BRD3: variants seen among roughly 807,000 people sequenced by gnomAD.
The protein encoded by BRD3 is bromodomain containing 3, also known as bromodomain-containing protein 3.
A neutral mutation model predicts 66.8 loss-of-function variants in BRD3; 17 were observed. That is an observed-to-expected ratio of 0.25 (90% CI 0.17 to 0.38). BRD3 has a LOEUF of 0.38. Ranked by LOEUF, BRD3 falls within the 10% of genes least tolerant of loss-of-function variation. The pLI is 1.00. For missense variants in BRD3, 713 were observed against 956.1 expected, an observed-to-expected ratio of 0.75 and a Z score of 3.35; for synonymous variants, 421 against 393.2, an observed-to-expected ratio of 1.07 and a Z score of -0.84.
intron 1 of BRD3, among the ~76,000 whole-genome samples, chr9:134,059,749 T>C (rs1242426271): frequency 6.6e-6 from 1 of 152,114 alleles, no homozygotes. Context: ...CCTCCAGTGG[T>C]GAAGGGGCTC....
chr9:134,060,587 GACACACACACACACAC>G (rs10661799), intron 1 of BRD3, among the ~76,000 whole-genome samples: 1 of 143,780 alleles, frequency 7.0e-6, no homozygotes, highest in African/African-American at 2.6e-5. Flanking sequence ...GCAAGACCCT[GACACACACACACACAC>G]ACACACACAC....
In BRD3 at chr9:134,053,482, C is replaced by A. The variant is rs746874478; in HGVS notation, c.-5G>T. 14 of 1,585,000 alleles carry A rather than the reference C, an allele frequency of 8.8e-6. No individual in the cohort carries two copies. Among genetic ancestry groups the A allele is most frequent in the Non-Finnish European group, 1.2e-5 (14 of 1,168,396 alleles). Reference sequence around the variant, plus strand: ...GACTGTCGTGGCGGTGGACATCCTCCGGCAGCTCACTCACTTTCTGTCACA... The same window carrying A: ...GACTGTCGTGGCGGTGGACATCCTCAGGCAGCTCACTCACTTTCTGTCACA... On this transcript the variant is annotated 5_prime_UTR_variant, in exon 2 of 12. Transcript: ENST00000303407.
intron 7 of BRD3, among the ~76,000 whole-genome samples, chr9:134,043,916 C>T (rs1411630558): frequency 6.6e-6 from 1 of 152,214 alleles, no homozygotes; most frequent in Non-Finnish European, 1.5e-5. Flanking sequence ...AGTGATCCTC[C>T]CACCTCCGCC....
rs10636879 is a variant in BRD3 at position 134,032,439 on chromosome 9, CAAAAAAAAAAAA to C, written c.*1139_*1150del. 1 of 114,488 alleles carries C rather than the reference CAAAAAAAAAAAA, an allele frequency of 8.7e-6. No homozygotes were observed. Among genetic ancestry groups the C allele is most frequent in the East Asian group, 1.0e-4 (1 of 9,584 alleles). 7.1% of individuals were successfully genotyped at this position (114,488 alleles called of 1,614,324 possible). On this transcript the variant is annotated 3_prime_UTR_variant, in exon 12 of 12. Coordinates refer to ENST00000303407, the MANE Select transcript of BRD3 (RefSeq NM_007371.4). Reference sequence around the variant, plus strand: ...TACCTGTAAGCCTCCAAGTTTCATACAAAAAAAAAAAAAAAAAAAAACCACAAAGAAAAAAAC... The same window carrying C: ...TACCTGTAAGCCTCCAAGTTTCATACAAAAAAAAACCACAAAGAAAAAAAC...
At chr9:134,064,102 G>A (rs1225049798) in intron 1 of BRD3, among the ~76,000 whole-genome samples, 1 of 152,224 alleles carries the variant, frequency 6.6e-6, no homozygotes, top group Non-Finnish European at 1.5e-5. Flanking sequence ...CAACAGCACG[G>A]ACACAACAGG....
chr9:134,051,813 G>C, intron 3 of BRD3, 104 bp from the exon 4 acceptor site: 1 of 1,288,718 alleles, frequency 7.8e-7, no homozygotes, highest in South Asian at 1.4e-5. Flanking sequence ...TTTGTTAACA[G>C]ATTTGGCAGC....
At position 134,051,611 on chromosome 9, in the gene BRD3, AG is replaced by A; in HGVS notation, c.449del (p.Pro150LeufsTer93). On this transcript the variant is annotated frameshift_variant, in exon 4 of 12. Coordinates refer to ENST00000303407, the MANE Select transcript of BRD3 (RefSeq NM_007371.4). LOFTEE classifies it high-confidence loss of function. ...MPQEEVELLP[P>X]APKGKGRKPA... Reference sequence around the variant, plus strand: ...GCTTCCGACCTTTGCCCTTTGGAGCAGGGGGTAATAATTCAACTTCCTCTTG... The same window carrying A: ...GCTTCCGACCTTTGCCCTTTGGAGCAGGGGTAATAATTCAACTTCCTCTTG... 1 of 1,582,318 alleles carries A rather than the reference AG, an allele frequency of 6.3e-7. No individual in the cohort carries two copies. The highest frequency in any genetic ancestry group is 2.3e-5 in the East Asian group (1 of 42,832).
chr9:134,055,322 C>A lies in BRD3; in HGVS notation c.-113-1732G>T, dbSNP rs533873857. The stretch of plus-strand genomic sequence containing the variant: ...ACGTGACTCAGAGTGAAAGCGAGTC[C>A]TGCCCCACCCTGGTTGGTGGGGCCT... On this transcript the variant is annotated intron_variant, in intron 1 of 11. Transcript: ENST00000303407. Among the ~76,000 whole-genome samples the A allele has an allele frequency of 2.6e-5, 4 of 152,306 alleles. No homozygotes were observed. The East Asian group carries it at 7.7e-4, about 29-fold the overall frequency.
Position 134,031,245 on chromosome 9 carries a change from C to T in BRD3, c.*2345G>A, listed in dbSNP as rs1177822307. 1.9e-5 allele frequency: 4 copies of T among 213,344 alleles called. No individual in the cohort carries two copies. The highest frequency in any genetic ancestry group is 1.5e-3 in the Middle Eastern group (1 of 674). 13.2% of individuals were successfully genotyped at this position (213,344 alleles called of 1,614,324 possible). A position where few individuals can be genotyped will look rare whatever the true frequency, so the allele number is the denominator to read the frequency against. On this transcript the variant is annotated 3_prime_UTR_variant, in exon 12 of 12. Transcript: ENST00000303407. ...GAAAGGCCCCACGATGCTCCTGCTG[C>T]GCTGCCCCCACAGCCGGCCGCTCCC...
chr9:134,051,892 T>TG (rs1564555940), intron 3 of BRD3, among the ~76,000 whole-genome samples, 183 bp from the exon 4 acceptor site: 14 of 109,846 alleles, frequency 1.3e-4, no homozygotes, highest in African/African-American at 6.5e-4. Flanking sequence ...TTTTTTTGTT[T>TG]TTTTTTTTTT....
At chr9:134,056,525 C>T (rs1249214026) in intron 1 of BRD3, 1 of 152,402 alleles carries the variant, frequency 6.6e-6, no homozygotes, top group Non-Finnish European at 1.5e-5. Context: ...CTGCCTCCCC[C>T]AGAAGCCCTT....
In BRD3 at chr9:134,031,980, T is replaced by TC; in HGVS notation, c.*1609dup. ...GGGAATCCTCCTGGGGCCCAGAGAC[T>TC]CCTCCACCCCTGGGGAGGGCAGACA... On this transcript the variant is annotated 3_prime_UTR_variant, in exon 12 of 12. Transcript: ENST00000303407. The TC allele has an allele frequency of 4.6e-6, 1 of 216,668 alleles. No individual in the cohort carries two copies. The highest frequency in any genetic ancestry group is 9.3e-6 in the Non-Finnish European group (1 of 107,460). 13.4% of individuals were successfully genotyped at this position (216,668 alleles called of 1,614,324 possible).
chr9:134,063,845 C>T lies in BRD3; in HGVS notation c.-114+4100G>A, dbSNP rs935390079. ...CAAGCCACACTCAGAAAGATCCAGC[C>T]GGCGACTCCTGAACATCACTGCACC... On this transcript the variant is annotated intron_variant, in intron 1 of 11. Transcript: ENST00000303407. 3.3e-5 allele frequency among the ~76,000 whole-genome samples: 5 copies of T among 152,200 alleles called. No homozygotes were observed. In the South Asian group the frequency reaches 6.2e-4, roughly 19 times the overall value.
At chr9:134,051,733 C>T (rs774202609) in intron 3 of BRD3, 24 bp from the exon 4 acceptor site, 3 of 1,581,244 alleles carry the variant, frequency 1.9e-6, no homozygotes, top group South Asian at 2.4e-5. Flanking sequence ...GAGTCCAGGT[C>T]ACGTGTCAGG....
At chr9:134,052,037 C>T (rs1830317462) in intron 3 of BRD3, among the ~76,000 whole-genome samples, 1 of 151,920 alleles carries the variant, frequency 6.6e-6, no homozygotes, top group African/African-American at 2.4e-5. Context: ...ATTACAGGTG[C>T]CTGCCACCAC....
intron 1 of BRD3, among the ~76,000 whole-genome samples, chr9:134,067,249 G>C (rs976454083): frequency 9.9e-5 from 15 of 152,024 alleles, no homozygotes; most frequent in Non-Finnish European, 1.5e-4. Flanking sequence ...TCTCCCCCTG[G>C]TTTGGGTGCA....
In BRD3 at chr9:134,064,214, C is replaced by T. The variant is rs918681244; in HGVS notation, c.-114+3731G>A. Among the ~76,000 whole-genome samples, 3 of 152,228 alleles carry T rather than the reference C, an allele frequency of 2.0e-5. No individual in the cohort carries two copies. In the East Asian group the frequency reaches 5.8e-4, roughly 29 times the overall value. On this transcript the variant is annotated intron_variant, in intron 1 of 11. Coordinates refer to ENST00000303407, the MANE Select transcript of BRD3 (RefSeq NM_007371.4). ...TTAAACCACCAACAGGTGAATGGCC[C>T]AAAGTGACACTTTCTCTTTAAAAGA... is the stretch of plus-strand genomic sequence containing the variant.
At chr9:134,044,528 C>T (rs898852111) in intron 7 of BRD3, among the ~76,000 whole-genome samples, 1 of 152,166 alleles carries the variant, frequency 6.6e-6, no homozygotes, top group Admixed American at 6.5e-5. Context: ...AAATCAAGTC[C>T]TTTGATTAAC....
In BRD3 at chr9:134,036,001, T is replaced by G. The variant is rs779900879; in HGVS notation, c.1936+31A>C. ...GCAGGCCAAGGAGGGGAGAGGAACT[T>G]CAAGCACCACGCTCCACGCAGGCAA... On this transcript the variant is annotated intron_variant, in intron 10 of 11. Coordinates refer to ENST00000303407, the MANE Select transcript of BRD3 (RefSeq NM_007371.4). 1.5e-5 allele frequency: 23 copies of G among 1,559,506 alleles called. No homozygotes were observed. In the African/African-American group the frequency reaches 3.0e-4, roughly 20 times the overall value.
Sources: gnomAD v4.1 joint callset for allele counts (sites outside exome capture counted in the v4.1 genomes callset) on GRCh38, gnomAD v4.1.1 for gene constraint, MANE v1.5 for transcripts, NCBI Gene and HGNC (gene_info 2026-07-23, HGNC 2026-07-21) for gene names.